XPO4: variants seen among roughly 807,000 people sequenced by gnomAD.
XPO4 encodes the protein exportin-4.
In XPO4, 39 loss-of-function variants were observed where a neutral mutation model predicts 143.0. The observed-to-expected ratio is 0.27, with a 90% CI of 0.21 to 0.36. The LOEUF is 0.36. Among genes scored for constraint, XPO4 ranks in the 10% least tolerant of loss-of-function variants. The pLI is 1.00. For synonymous variants in XPO4, 439 were observed against 474.0 expected, an observed-to-expected ratio of 0.93 and a Z score of 0.96; for missense variants, 907 against 1,348.0, an observed-to-expected ratio of 0.67 and a Z score of 5.12.
intron 9 of XPO4, among the ~76,000 whole-genome samples, chr13:20,811,572 C>T (rs541658948): frequency 5.9e-5 from 9 of 152,004 alleles, no homozygotes; most frequent in African/African-American, 2.2e-4. Flanking sequence ...ACAGGTGTAA[C>T]CCACTGCACC....
At chr13:20,832,675 A>C (rs982256504) in intron 6 of XPO4, among the ~76,000 whole-genome samples, 9 of 152,162 alleles carry the variant, frequency 5.9e-5, no homozygotes, top group Non-Finnish European at 1.2e-4. Context: ...TAAATTTTCT[A>C]ACAACAAAAA....
rs555681989 is a variant in XPO4 at position 20,866,287 on chromosome 13, A to G, written c.175+2309T>C. On this transcript the variant is annotated intron_variant, in intron 2 of 22. Transcript: ENST00000255305. ...AGCAAAGAAAATAAAAACTAGAATGAAAACAAAAGGATAAGAAGAGAAAGA... is the reference window on the plus strand; with the variant it reads ...AGCAAAGAAAATAAAAACTAGAATGGAAACAAAAGGATAAGAAGAGAAAGA... The G allele has an allele frequency of 6.0e-4, 589 of 984,902 alleles. 2 individuals carry two copies. The highest frequency in any genetic ancestry group is 2.1e-3 in the Middle Eastern group (4 of 1,914). 61.0% of individuals were successfully genotyped at this position (984,902 alleles called of 1,614,324 possible).
intron 4 of XPO4, among the ~76,000 whole-genome samples, chr13:20,853,960 TCA>T (rs1484286753): frequency 2.6e-5 from 4 of 152,104 alleles, no homozygotes; most frequent in African/African-American, 9.7e-5. Flanking sequence ...AAACTTAATA[TCA>T]CACAATCAAA....
chr13:20,823,912 A>G (rs1333381003), intron 7 of XPO4, among the ~76,000 whole-genome samples: 1 of 152,176 alleles, frequency 6.6e-6, no homozygotes, highest in Non-Finnish European at 1.5e-5. Flanking sequence ...TTGGCCTCCC[A>G]AAGTGCTGGG....
intron 19 of XPO4, among the ~76,000 whole-genome samples, chr13:20,788,831 A>C (rs181212835): frequency 2.6e-5 from 4 of 152,382 alleles, no homozygotes; most frequent in African/African-American, 9.6e-5. Context: ...AGTAACAGAC[A>C]GTCAAAACAA....
At position 20,786,949 on chromosome 13, in the gene XPO4, G is replaced by A; in HGVS notation, c.3258+16C>T. ...TAGAATGAGAAGAGTCCCCTGAAAA[G>A]AGGCATGTCCAGTACCTGGTGCAAA... On this transcript the variant is annotated intron_variant, in intron 22 of 22. Transcript: ENST00000255305. 1.3e-6 allele frequency: 2 copies of A among 1,542,500 alleles called. No individual in the cohort carries two copies. The highest frequency in any genetic ancestry group is 2.4e-5 in the East Asian group (1 of 40,908).
At chr13:20,862,589 A>G in intron 3 of XPO4, 128 bp downstream of exon 3, 2 of 1,182,674 alleles carry the variant, frequency 1.7e-6, no homozygotes, top group Non-Finnish European at 2.4e-6. Context: ...CAGCCTCCCA[A>G]AGTGGAGATT....
intron 1 of XPO4, among the ~76,000 whole-genome samples, chr13:20,871,057 C>T (rs1317492602): frequency 6.6e-6 from 1 of 152,204 alleles, no homozygotes; most frequent in East Asian, 1.9e-4. Context: ...ATCTGCCTGC[C>T]TTGGCCTCCC....
intron 18 of XPO4, among the ~76,000 whole-genome samples, chr13:20,795,635 C>T (rs1014482294): frequency 5.9e-5 from 9 of 152,070 alleles, no homozygotes; most frequent in Non-Finnish European, 1.3e-4. Context: ...GGGTGGCCAC[C>T]GTGAGGAACA....
At chr13:20,856,550 T>C (rs537175338) in intron 3 of XPO4, among the ~76,000 whole-genome samples, 1 of 152,342 alleles carries the variant, frequency 6.6e-6, no homozygotes, top group East Asian at 1.9e-4. Flanking sequence ...CAAGTGCCCC[T>C]GGAATAAACC....
At chr13:20,871,805 C>A (rs1290076316) in intron 1 of XPO4, among the ~76,000 whole-genome samples, 1 of 152,044 alleles carries the variant, frequency 6.6e-6, no homozygotes, top group Non-Finnish European at 1.5e-5. Flanking sequence ...ACTTAATCTA[C>A]TAGAAAGAAC....
At chr13:20,858,584 T>C (rs919649320) in intron 3 of XPO4, among the ~76,000 whole-genome samples, 2 of 151,940 alleles carry the variant, frequency 1.3e-5, no homozygotes, top group Admixed American at 1.3e-4. Flanking sequence ...AAAAAATATG[T>C]ATGTAAGCCA....
At chr13:20,858,641 G>C (rs751510958) in intron 3 of XPO4, among the ~76,000 whole-genome samples, 1 of 152,080 alleles carries the variant, frequency 6.6e-6, no homozygotes, top group African/African-American at 2.4e-5. Context: ...GGAGGTCAAG[G>C]AGGGCGGATC....
chr13:20,824,184 G>C (rs2059755392), intron 7 of XPO4, among the ~76,000 whole-genome samples: 1 of 152,148 alleles, frequency 6.6e-6, no homozygotes, highest in African/African-American at 2.4e-5. Context: ...GTTTTATATA[G>C]TAAATTCCAA....
At chr13:20,899,559 G>T (rs1022869441) in intron 1 of XPO4, among the ~76,000 whole-genome samples, 1 of 152,066 alleles carries the variant, frequency 6.6e-6, no homozygotes, top group Non-Finnish European at 1.5e-5. Flanking sequence ...GGTGATAAAA[G>T]CTCTAGACCC....
intron 13 of XPO4, among the ~76,000 whole-genome samples, chr13:20,806,557 T>G (rs1240826241): frequency 7.8e-6 from 1 of 127,836 alleles, no homozygotes; most frequent in Non-Finnish European, 1.6e-5. Context: ...TTTTTTTTTT[T>G]TTTTTTTTTT....
At chr13:20,902,763 G>A (rs2060634826), upstream of XPO4, 1 of 1,439,084 alleles carries the variant, frequency 6.9e-7, no homozygotes, top group Non-Finnish European at 9.2e-7. Context: ...GACGCGCCAT[G>A]CGCTGCATTC....
At position 20,809,779 on chromosome 13, in the gene XPO4, C is replaced by T. The variant is rs1330561853; in HGVS notation, c.1350+12G>A. On this transcript the variant is annotated intron_variant, in intron 10 of 22. Coordinates refer to ENST00000255305, the MANE Select transcript of XPO4 (RefSeq NM_022459.5). The stretch of plus-strand genomic sequence containing the variant: ...AAATAGACTGTTAATTACCATCTTG[C>T]TTAAAACTCACCAAATTTCTTGTGC... 6 of 1,599,696 alleles carry T rather than the reference C, an allele frequency of 3.8e-6. No individual in the cohort carries two copies. The highest frequency in any genetic ancestry group is 5.1e-6 in the Non-Finnish European group (6 of 1,173,208).
At chr13:20,863,893 C>T (rs2060223257) in intron 2 of XPO4, among the ~76,000 whole-genome samples, 1 of 152,098 alleles carries the variant, frequency 6.6e-6, no homozygotes, top group Non-Finnish European at 1.5e-5. Context: ...ATTTTCTCTC[C>T]TATTCAAGCT....
Sources: gnomAD v4.1 joint callset for allele counts (sites outside exome capture counted in the v4.1 genomes callset) on GRCh38, gnomAD v4.1.1 for gene constraint, MANE v1.5 for transcripts, NCBI Gene and HGNC (gene_info 2026-07-23, HGNC 2026-07-21) for gene names.